Variants in TIAM1 observed in about 807,000 individuals in gnomAD.
TIAM1 encodes the protein rho guanine nucleotide exchange factor TIAM1.
TIAM1 carries 65 observed loss-of-function variants against 163.5 expected under a neutral mutation model. That is an observed-to-expected ratio of 0.40 (90% CI 0.33 to 0.49). The LOEUF (loss-of-function observed/expected upper bound fraction) is 0.49. Among genes scored for constraint, TIAM1 ranks in the 20% least tolerant of loss-of-function variants. The probability of loss-of-function intolerance (pLI) is 0.77; values close to 1 mark genes in which losing one functional copy is unlikely to be tolerated. For missense variants in TIAM1, 1,789 were observed against 2,044.7 expected (o/e 0.87, Z 2.41); for synonymous variants, 833 against 810.1 (o/e 1.03, Z -0.48).
intron 1 of TIAM1, among the ~76,000 whole-genome samples, chr21:31,339,864 C>T (rs577779483): frequency 2.8e-4 from 42 of 152,214 alleles, no homozygotes; most frequent in Admixed American, 1.6e-3. Context: ...TTTCAAGCAA[C>T]GGCATCAAAA....
chr21:31,494,582 C>T (rs1266009098), intron 1 of TIAM1, among the ~76,000 whole-genome samples: 4 of 152,208 alleles, frequency 2.6e-5, no homozygotes, highest in Admixed American at 1.3e-4. Flanking sequence ...CAGTGGCTTA[C>T]GCCTGTAATC....
intron 1 of TIAM1, among the ~76,000 whole-genome samples, chr21:31,485,942 GC>G (rs941242539): frequency 2.6e-5 from 4 of 152,258 alleles, no homozygotes; most frequent in African/African-American, 9.6e-5. Flanking sequence ...TTAGCTCTAC[GC>G]CCTGCCTAAC....
At chr21:31,166,723 T>C (rs966423831) in intron 15 of TIAM1, among the ~76,000 whole-genome samples, 84 of 152,372 alleles carry the variant, frequency 5.5e-4, no homozygotes, top group African/African-American at 2.0e-3. Flanking sequence ...AGATATCATC[T>C]ATGGCAACTG....
At chr21:31,537,531 C>T (rs1013534202) in intron 1 of TIAM1, among the ~76,000 whole-genome samples, 9 of 151,514 alleles carry the variant, frequency 5.9e-5, no homozygotes, top group Admixed American at 5.3e-4. Flanking sequence ...GTGGGTGGAT[C>T]GCTCGAGGCC....
At chr21:31,201,094 A>G (rs758333069) in intron 12 of TIAM1, among the ~76,000 whole-genome samples, 40 of 152,340 alleles carry the variant, frequency 2.6e-4, no homozygotes, top group Non-Finnish European at 4.3e-4. Flanking sequence ...TGTGAAAAAT[A>G]TGAGGAACAT....
In TIAM1 at chr21:31,266,418, G is replaced by C; in HGVS notation, c.555C>G (p.Leu185=). The change falls in exon 4 of 28, where the codon CTC becomes CTG. Residue 185 remains leucine, a synonymous_variant. Coordinates refer to ENST00000541036, the MANE Select transcript of TIAM1 (RefSeq NM_001353694.2). ...IWREDSLEFS[L]SDLSQEHLTS... is the part of the protein sequence containing the mutation. Reference sequence around the variant, plus strand: ...TTAAATGTTCTTGGCTCAGATCAGAGAGTGAGAATTCCAGGCTGTCCTCCC... The same window carrying C: ...TTAAATGTTCTTGGCTCAGATCAGACAGTGAGAATTCCAGGCTGTCCTCCC... 6.2e-7 allele frequency: 1 copy of C among 1,614,256 alleles called. No individual in the cohort carries two copies. The highest frequency in any genetic ancestry group is 8.5e-7 in the Non-Finnish European group (1 of 1,180,054).
intron 2 of TIAM1, among the ~76,000 whole-genome samples, chr21:31,379,606 A>G (rs1257212779): frequency 6.6e-6 from 1 of 152,196 alleles, no homozygotes; most frequent in African/African-American, 2.4e-5. Context: ...TGTTATGGCC[A>G]AAAAGAAAAA....
chr21:31,537,420 A>G (rs922967750), intron 1 of TIAM1, among the ~76,000 whole-genome samples: 13 of 150,112 alleles, frequency 8.7e-5, no homozygotes, highest in Admixed American at 2.7e-4. Flanking sequence ...GTGCTTATAT[A>G]AACCAATACT....
At chr21:31,365,383 C>CTTTTTTTTTTTTTT (rs201546931) in intron 2 of TIAM1, among the ~76,000 whole-genome samples, 4 of 138,412 alleles carry the variant, frequency 2.9e-5, no homozygotes, top group Non-Finnish European at 3.1e-5. Context: ...TCACTTATTT[C>CTTTTTTTTTTTTTT]TTTCTTTTTT....
chr21:31,340,529 C>T (rs2075981674), intron 1 of TIAM1, among the ~76,000 whole-genome samples: 1 of 152,078 alleles, frequency 6.6e-6, no homozygotes. Context: ...AATTCTTTTC[C>T]TGTTTTAATT....
At chr21:31,377,755 T>A (rs1393334408) in intron 2 of TIAM1, among the ~76,000 whole-genome samples, 1 of 151,724 alleles carries the variant, frequency 6.6e-6, no homozygotes, top group Non-Finnish European at 1.5e-5. Flanking sequence ...TCTTCTTGGA[T>A]ACCACATCTC....
At chr21:31,332,811 TGTTG>T in intron 2 of TIAM1, among the ~76,000 whole-genome samples, 1 of 150,410 alleles carries the variant, frequency 6.6e-6, no homozygotes, top group South Asian at 2.1e-4. Context: ...AAAAAAAGTC[TGTTG>T]GTTAGAGCTC....
At chr21:31,490,179 G>A (rs915621043) in intron 1 of TIAM1, among the ~76,000 whole-genome samples, 1 of 151,910 alleles carries the variant, frequency 6.6e-6, no homozygotes, top group African/African-American at 2.4e-5. Flanking sequence ...AACTCAGAGA[G>A]GCAAATTCTT....
At chr21:31,471,334 C>T (rs1025658012) in intron 1 of TIAM1, among the ~76,000 whole-genome samples, 1 of 152,170 alleles carries the variant, frequency 6.6e-6, no homozygotes, top group Non-Finnish European at 1.5e-5. Context: ...TCGGTTCCCC[C>T]CTTTACCACA....
chr21:31,238,100 A>G (rs1175744838), intron 6 of TIAM1, among the ~76,000 whole-genome samples: 1 of 152,126 alleles, frequency 6.6e-6, no homozygotes, highest in Non-Finnish European at 1.5e-5. Context: ...ATCTGTGGGT[A>G]TTTGAGTAAC....
chr21:31,495,613 C>G (rs1266577153), intron 1 of TIAM1, among the ~76,000 whole-genome samples: 4 of 152,240 alleles, frequency 2.6e-5, no homozygotes, highest in African/African-American at 9.6e-5. Context: ...GCAATACATT[C>G]ATGCACTGCA....
chr21:31,139,378 T>C (rs1202352007), intron 22 of TIAM1, among the ~76,000 whole-genome samples: 1 of 152,092 alleles, frequency 6.6e-6, no homozygotes, highest in Non-Finnish European at 1.5e-5. Flanking sequence ...GGACTTCTTA[T>C]AATAAAAAAA....
At chr21:31,323,941 A>G (rs1032175603) in intron 2 of TIAM1, among the ~76,000 whole-genome samples, 2 of 151,780 alleles carry the variant, frequency 1.3e-5, no homozygotes, top group Non-Finnish European at 2.9e-5. Flanking sequence ...CCAGGAGTTC[A>G]AGGCTACAGT....
At chr21:31,326,499 G>A (rs187080129) in intron 2 of TIAM1, among the ~76,000 whole-genome samples, 1 of 152,122 alleles carries the variant, frequency 6.6e-6, no homozygotes, top group Non-Finnish European at 1.5e-5. Context: ...CCATCCTTCA[G>A]TGCACACCAT....
Sources: allele counts gnomAD v4.1 joint callset (sites outside exome capture counted in the v4.1 genomes callset), GRCh38; gene constraint gnomAD v4.1.1; transcripts MANE v1.5; gene names NCBI Gene and HGNC (gene_info 2026-07-23, HGNC 2026-07-21).